The following QSER1 variants were observed in gnomAD, a reference collection of about 807,000 sequenced individuals.
QSER1 encodes the protein glutamine and serine rich 1, also known as glutamine and serine-rich protein 1.
Under a neutral mutation model 158.5 loss-of-function variants are expected in QSER1, and 49 were observed. That is an observed-to-expected ratio of 0.31 (90% CI 0.25 to 0.39). The LOEUF (loss-of-function observed/expected upper bound fraction) is 0.39. Ranked by LOEUF, QSER1 falls within the 10% of genes least tolerant of loss-of-function variation. The pLI is 1.00. For missense variants in QSER1, 1,754 were observed against 2,010.3 expected (o/e 0.87, Z 2.44); for synonymous variants, 650 against 715.5 (o/e 0.91, Z 1.46).
chr11:32,898,430 G>A (rs1179282402), intron 1 of QSER1, among the ~76,000 whole-genome samples: 1 of 151,906 alleles, frequency 6.6e-6, no homozygotes, highest in Non-Finnish European at 1.5e-5. Context: ...AGGTTGCCGT[G>A]AGCTGTGATG....
At position 32,935,022 on chromosome 11, in the gene QSER1, A is replaced by G. The variant is rs1233058974; in HGVS notation, c.3764A>G (p.Gln1255Arg). ...TCAGAAAGCTGCCATGATGGTTATC[A>G]GCATCAAGAAAAAATGAGACAGAAG... ...PSSESCHDGY[Q>R]HQEKMRQKIK... Residue 1255 changes from glutamine to arginine, a missense_variant, in exon 4 of 13, where the codon CAG (glutamine) becomes CGG (arginine). By Grantham distance (43) the Gln-to-Arg change is conservative. This residue lies in a region of QSER1 where 1,707 missense variants were observed against 1,919.6 expected (regional missense o/e 0.89). Transcript: ENST00000650167. 1 of 1,614,168 alleles carries G rather than the reference A, an allele frequency of 6.2e-7. No homozygotes were observed.
chr11:32,928,095 A>C lies in QSER1; in HGVS notation c.456A>C (p.Pro152=), dbSNP rs2133538653. The change falls in exon 3 of 13, where the codon CCA becomes CCC. Residue 152 remains proline, a synonymous_variant. Coordinates refer to ENST00000650167, the MANE Select transcript of QSER1 (RefSeq NM_001076786.3). ...CTGCTTCAGGAACTACTCTCTTACCACAATTCAGGGCTCCATCCTGGCAGA... is the reference window on the plus strand; with the variant it reads ...CTGCTTCAGGAACTACTCTCTTACCCCAATTCAGGGCTCCATCCTGGCAGA... ...QAAASGTTLL[P]QFRAPSWQTG... 6.2e-7 allele frequency: 1 copy of C among 1,613,112 alleles called. No homozygotes were observed. Among genetic ancestry groups the C allele is most frequent in the East Asian group, 2.2e-5 (1 of 44,862 alleles).
At position 32,932,630 on chromosome 11, in the gene QSER1, A is replaced by G. The variant is rs1852068030; in HGVS notation, c.1372A>G (p.Thr458Ala). 2 of 1,614,078 alleles carry G rather than the reference A, an allele frequency of 1.2e-6. No homozygotes were observed. Among genetic ancestry groups the G allele is most frequent in the South Asian group, 1.1e-5 (1 of 91,074 alleles). The change falls in exon 4 of 13, where the codon ACA becomes GCA. Residue 458 changes from threonine to alanine, a missense_variant. By Grantham distance (58) the Thr-to-Ala change is moderately conservative (BLOSUM62 0). Around this residue, in one of 2 missense-constraint regions of QSER1, gnomAD observed 1,707 missense variants for 1,919.6 expected, o/e 0.89. Coordinates refer to ENST00000650167, the MANE Select transcript of QSER1 (RefSeq NM_001076786.3). ...ATCGGGCCAAGCACAAATTTATTCT[A>G]CAGCGCAGCTACCAAGCCTTTTATC... Reference protein sequence around the residue: ...VISGQAQIYSTAQLPSLLSVS... With the variant: ...VISGQAQIYSAAQLPSLLSVS...
chr11:32,910,819 C>T (rs1851756615), intron 1 of QSER1, among the ~76,000 whole-genome samples: 1 of 152,180 alleles, frequency 6.6e-6, no homozygotes, highest in Non-Finnish European at 1.5e-5. Flanking sequence ...CTTTCTTCTT[C>T]CTGTTCCATA....
intron 4 of QSER1, among the ~76,000 whole-genome samples, chr11:32,942,617 G>A (rs2133564565): frequency 6.6e-6 from 1 of 152,312 alleles, no homozygotes; most frequent in East Asian, 1.9e-4. Context: ...CCAGTACCAT[G>A]CTGTTTTGGT....
intron 10 of QSER1, among the ~76,000 whole-genome samples, chr11:32,969,953 G>A (rs1852822236): frequency 6.6e-6 from 1 of 152,134 alleles, no homozygotes; most frequent in Non-Finnish European, 1.5e-5. Flanking sequence ...CCAAAGTGTT[G>A]GGATTACAGG....
At chr11:32,907,407 A>G (rs1345002667) in intron 1 of QSER1, among the ~76,000 whole-genome samples, 1 of 152,230 alleles carries the variant, frequency 6.6e-6, no homozygotes, top group Non-Finnish European at 1.5e-5. Context: ...TCCTTTATCT[A>G]ATGCCAGAAA....
chr11:32,927,932 C>A (rs1181783491), intron 2 of QSER1, 30 bp from the exon 3 acceptor site: 39 of 460,384 alleles, frequency 8.5e-5, no homozygotes, highest in South Asian at 1.5e-4. Flanking sequence ...TTTTTTTTTA[C>A]TTTGGGATAT....
intron 1 of QSER1, chr11:32,926,845 A>G (rs1439668921): frequency 6.6e-6 from 1 of 152,172 alleles, no homozygotes; most frequent in Admixed American, 6.5e-5. Flanking sequence ...GAGCCTGTAC[A>G]ATGAATTCAC....
At chr11:32,896,287 G>A (rs768237855) in intron 1 of QSER1, among the ~76,000 whole-genome samples, 55 of 152,224 alleles carry the variant, frequency 3.6e-4, no homozygotes, top group Non-Finnish European at 4.3e-4. Flanking sequence ...CGATGTGTTC[G>A]TATTTGAATA....
At chr11:32,969,001 A>AT (rs776996441) in intron 9 of QSER1, 45 bp from the exon 10 acceptor site, 1 of 1,077,086 alleles carries the variant, frequency 9.3e-7, no homozygotes, top group South Asian at 1.6e-5. Context: ...TTTTTCAAAA[A>AT]TATTTATTGA....
chr11:32,931,825 T>A lies in QSER1; in HGVS notation c.567T>A (p.Ala189=), dbSNP rs760944139. The A allele has an allele frequency of 2.5e-6, 4 of 1,614,210 alleles. No individual in the cohort carries two copies. Among genetic ancestry groups the A allele is most frequent in the Non-Finnish European group, 3.4e-6 (4 of 1,180,028 alleles). ...GAACACTTCCACCATCTCTCTCTGCTTATCAGCATCCCACCACCTTCAGCA... is the reference window on the plus strand; with the variant it reads ...GAACACTTCCACCATCTCTCTCTGCATATCAGCATCCCACCACCTTCAGCA... ...STGTLPPSLS[A]YQHPTTFSNR... Residue 189 remains alanine (A), a synonymous_variant, in exon 4 of 13, where the codon GCT becomes GCA. Transcript: ENST00000650167.
chr11:32,894,699 T>C (rs572769050), intron 1 of QSER1, among the ~76,000 whole-genome samples: 1 of 152,198 alleles, frequency 6.6e-6, no homozygotes, highest in African/African-American at 2.4e-5. Context: ...TCTCAGAAAA[T>C]TTTAGGCCCT....
rs1311369622 is a variant in QSER1, at chr11:32,954,062, GGACACT to G, written c.4385_4390del (p.Asp1462_Thr1463del). On this transcript the variant is annotated inframe_deletion, in exon 5 of 13. Transcript: ENST00000650167. ...CTTCAGACCAGTTTGCAAAAGGACA[GGACACT>G]GTTGCCATAGAAGGTTTTACAGATG... 1.9e-6 allele frequency: 3 copies of G among 1,614,038 alleles called. No individual in the cohort carries two copies. Among genetic ancestry groups the G allele is most frequent in the Non-Finnish European group, 2.5e-6 (3 of 1,180,042 alleles).
intron 4 of QSER1, among the ~76,000 whole-genome samples, chr11:32,952,656 T>G (rs922560531): frequency 1.3e-5 from 2 of 152,164 alleles, no homozygotes; most frequent in African/African-American, 4.8e-5. Context: ...TTGGAGTTTA[T>G]AAAAGATTGA....
At chr11:32,920,081 C>CT (rs1221422708) in intron 1 of QSER1, among the ~76,000 whole-genome samples, 2 of 152,074 alleles carry the variant, frequency 1.3e-5, no homozygotes, top group East Asian at 3.9e-4. Flanking sequence ...GCCTTGGTTC[C>CT]TTTTTCTTGG....
At chr11:32,898,355 G>A (rs772633003) in intron 1 of QSER1, among the ~76,000 whole-genome samples, 1 of 152,154 alleles carries the variant, frequency 6.6e-6, no homozygotes, top group South Asian at 2.1e-4. Context: ...GCATGGTGGC[G>A]TGCGCCTGTG....
chr11:32,928,084 A>ACT lies in QSER1; in HGVS notation c.450_451dup (p.Leu151SerfsTer73). ...TGCTCAGGCTGCTGCTTCAGGAACTACTCTCTTACCACAATTCAGGGCTCC... is the reference window on the plus strand; with the variant it reads ...TGCTCAGGCTGCTGCTTCAGGAACTACTCTCTCTTACCACAATTCAGGGCTCC... On this transcript the variant is annotated frameshift_variant, in exon 3 of 13. Transcript: ENST00000650167. LOFTEE classifies it high-confidence loss of function. The ACT allele has an allele frequency of 6.2e-7, 1 of 1,613,668 alleles. No homozygotes were observed. Among genetic ancestry groups the ACT allele is most frequent in the Non-Finnish European group, 8.5e-7 (1 of 1,179,730 alleles).
rs1363336501 is a variant in QSER1 at position 32,978,693 on chromosome 11, G to A, written c.*2219G>A. ...TTGTATTCATTTTAGTACAACAAAG[G>A]TTTTCATAATATGGGAGGCCAAGTC... is the stretch of plus-strand genomic sequence containing the variant. On this transcript the variant is annotated 3_prime_UTR_variant, in exon 13 of 13. Transcript: ENST00000650167. 1 of 152,094 alleles carries A rather than the reference G, an allele frequency of 6.6e-6. No homozygotes were observed. Among genetic ancestry groups the A allele is most frequent in the Non-Finnish European group, 1.5e-5 (1 of 68,020 alleles). The allele number at this position is 152,094 out of a possible 1,614,324, so 9.4% of individuals were successfully genotyped here.
Sources: gnomAD v4.1 joint callset for allele counts (sites outside exome capture counted in the v4.1 genomes callset) on GRCh38, gnomAD v4.1.1 for gene constraint, gnomAD v4.1.1 regional missense constraint, MANE v1.5 for transcripts, NCBI Gene and HGNC (gene_info 2026-07-23, HGNC 2026-07-21) for gene names.